TNFAIP8: variants seen among roughly 807,000 people sequenced by gnomAD.
TNFAIP8 encodes the protein tumor necrosis factor alpha-induced protein 8.
Under a neutral mutation model 13.3 loss-of-function variants are expected in TNFAIP8, and 7 were observed. The ratio of observed to expected loss-of-function variants is 0.52; its 90% CI spans 0.30 to 0.99. The LOEUF (loss-of-function observed/expected upper bound fraction) is 0.99. Ranked by LOEUF, TNFAIP8 falls within the 50% of genes least tolerant of loss-of-function variation. TNFAIP8 has a pLI of 0.07. For missense variants in TNFAIP8, 258 were observed against 236.9 expected (o/e 1.09, Z -0.58); for synonymous variants, 94 against 87.6 (o/e 1.07, Z -0.41).
At chr5:119,353,139 G>C (rs1196525211), upstream of TNFAIP8, among the ~76,000 whole-genome samples, 1 of 152,172 alleles carries the variant, frequency 6.6e-6, no homozygotes, top group Non-Finnish European at 1.5e-5. Flanking sequence ...TTGTTGGTAT[G>C]ACTTCCATAC....
intron 1 of TNFAIP8, among the ~76,000 whole-genome samples, chr5:119,359,086 G>A (rs776536125): frequency 8.5e-5 from 13 of 152,066 alleles, no homozygotes; most frequent in Admixed American, 4.6e-4. Context: ...ACTCATCTCC[G>A]TCCACATCTA....
rs114417114 is a variant in TNFAIP8, at chr5:119,280,670, C to T, written c.1+11763C>T. 6.7e-3 allele frequency among the ~76,000 whole-genome samples: 1,023 copies of T among 152,178 alleles called. 7 individuals carry two copies. The highest frequency in any genetic ancestry group is 9.6e-3 in the Non-Finnish European group (656 of 68,008). Reference sequence around the variant, plus strand: ...TAGCAGCTGTTGATCCTCAGTGTCTCGATCTGTTAATTCAGTGGGGGCAAT... The same window carrying T: ...TAGCAGCTGTTGATCCTCAGTGTCTTGATCTGTTAATTCAGTGGGGGCAAT... On this transcript the variant is annotated intron_variant, in intron 1 of 1. Coordinates refer to the TNFAIP8 transcript ENST00000274456.
chr5:119,391,155 C>T (rs982169314), intron 1 of TNFAIP8, among the ~76,000 whole-genome samples: 1 of 152,022 alleles, frequency 6.6e-6, no homozygotes, highest in African/African-American at 2.4e-5. Context: ...TTAAATCCAA[C>T]ATGGCAGTTC....
chr5:119,347,947 G>C (rs149270618), intron 1 of TNFAIP8, among the ~76,000 whole-genome samples: 7 of 152,334 alleles, frequency 4.6e-5, no homozygotes, highest in Admixed American at 1.3e-4. Flanking sequence ...CTTTCAAATA[G>C]ATCTCAGACC....
At chr5:119,387,376 T>C (rs1386526290) in intron 1 of TNFAIP8, among the ~76,000 whole-genome samples, 1 of 152,230 alleles carries the variant, frequency 6.6e-6, no homozygotes, top group Non-Finnish European at 1.5e-5. Flanking sequence ...CTTCCTAATA[T>C]TGGAAACCTG....
upstream of TNFAIP8, among the ~76,000 whole-genome samples, chr5:119,352,040 G>A (rs111821462): frequency 8.1e-3 from 1,231 of 151,926 alleles, 12 homozygotes; most frequent in African/African-American, 0.028. Context: ...CACCTGCCTC[G>A]GCCTCCCAAA....
intron 1 of TNFAIP8, chr5:119,333,395 T>C: frequency 7.4e-7 from 1 of 1,343,532 alleles, no homozygotes; most frequent in Non-Finnish European, 9.5e-7. Flanking sequence ...GTGACTGTAG[T>C]TGACCAGTGC....
upstream of TNFAIP8, chr5:119,355,325 G>C (rs1393819066): frequency 1.4e-5 from 10 of 702,072 alleles, no homozygotes; most frequent in Non-Finnish European, 2.3e-5. Context: ...GCTGTGCTTG[G>C]AGTACCAGTG....
At position 119,398,162 on chromosome 5, in the gene TNFAIP8, C is replaced by T. The variant is rs754683455; in HGVS notation, c.*4781C>T. The T allele has an allele frequency of 3.3e-5, 5 of 152,208 alleles. No homozygotes were observed. The highest frequency in any genetic ancestry group is 4.8e-5 in the African/African-American group (2 of 41,448). The allele number at this position is 152,208 out of a possible 1,614,324, so 9.4% of individuals were successfully genotyped here. A position where few individuals can be genotyped will look rare whatever the true frequency, so the allele number is the denominator to read the frequency against. ...CCAGTGGATAAGGCCCCTTATCTTT[C>T]TTCATGGATGGCTGAGGAAATTCTC... On this transcript the variant is annotated 3_prime_UTR_variant, in exon 2 of 2. Transcript: ENST00000504771.
At chr5:119,358,504 G>A (rs78931116) in intron 1 of TNFAIP8, among the ~76,000 whole-genome samples, 4,503 of 152,180 alleles carry the variant, frequency 0.03, 86 homozygotes, top group Non-Finnish European at 0.048. Context: ...ATTAAACAGA[G>A]AAAAATAATC....
At chr5:119,268,837 A>G in exon 1 of TNFAIP8, 1 of 702,600 alleles carries the variant, frequency 1.4e-6, no homozygotes. Context: ...CCGAGAGAGC[A>G]GAGAACTCGG....
At chr5:119,383,294 C>T (rs1471482122) in intron 1 of TNFAIP8, among the ~76,000 whole-genome samples, 1 of 152,208 alleles carries the variant, frequency 6.6e-6, no homozygotes, top group East Asian at 1.9e-4. Flanking sequence ...CATTCTGGGT[C>T]AGTCACAGAT....
chr5:119,354,239 G>C (rs1406914243), upstream of TNFAIP8: 2 of 152,252 alleles, frequency 1.3e-5, no homozygotes, highest in African/African-American at 4.8e-5. Flanking sequence ...ACTTTCGGAA[G>C]GGTGCAGTCT....
At chr5:119,298,789 A>G (rs530455678) in intron 1 of TNFAIP8, among the ~76,000 whole-genome samples, 2,669 of 150,928 alleles carry the variant, frequency 0.018, 90 homozygotes, top group African/African-American at 0.063. Flanking sequence ...CATATTTCTT[A>G]GAGGCTTTGT....
intron 1 of TNFAIP8, among the ~76,000 whole-genome samples, chr5:119,325,276 G>A (rs190341763): frequency 1.3e-5 from 2 of 152,238 alleles, no homozygotes; most frequent in Admixed American, 6.5e-5. Flanking sequence ...CAAAGGGCCT[G>A]TGGAGTTTTA....
rs1753107881 is a variant in TNFAIP8 at position 119,397,730 on chromosome 5, C to A, written c.*4349C>A. 6.6e-6 allele frequency: 1 copy of A among 152,134 alleles called. No homozygotes were observed. The highest frequency in any genetic ancestry group is 1.5e-5 in the Non-Finnish European group (1 of 68,018). The allele number at this position is 152,134 out of a possible 1,614,324, so 9.4% of individuals were successfully genotyped here. A position where few individuals can be genotyped will look rare whatever the true frequency, so the allele number is the denominator to read the frequency against. ...TTCCAAAATGATGCAACAGGAAAACCTTTAACTACTTATAATCCCGTATAG... is the reference window on the plus strand; with the variant it reads ...TTCCAAAATGATGCAACAGGAAAACATTTAACTACTTATAATCCCGTATAG... On this transcript the variant is annotated 3_prime_UTR_variant, in exon 2 of 2. Coordinates refer to ENST00000504771, the MANE Select transcript of TNFAIP8 (RefSeq NM_014350.4).
chr5:119,292,218 C>G (rs1749009254), intron 1 of TNFAIP8, among the ~76,000 whole-genome samples: 1 of 152,006 alleles, frequency 6.6e-6, no homozygotes, highest in African/African-American at 2.4e-5. Flanking sequence ...TATTGCAGCT[C>G]TGGCCCAAGG....
chr5:119,373,964 G>GT (rs889332677), intron 1 of TNFAIP8, among the ~76,000 whole-genome samples: 2 of 151,426 alleles, frequency 1.3e-5, no homozygotes, highest in East Asian at 1.9e-4. Flanking sequence ...TAGTATTGGT[G>GT]TTTTTTTTCC....
rs1301218129 is a variant in TNFAIP8, at chr5:119,340,415, G to A, written c.2-52401G>A. 2.0e-5 allele frequency among the ~76,000 whole-genome samples: 3 copies of A among 152,210 alleles called. No homozygotes were observed. In the East Asian group the frequency reaches 5.8e-4, roughly 29 times the overall value. On this transcript the variant is annotated intron_variant, in intron 1 of 1. Transcript: ENST00000274456. ...ACCACTGTGCCCAAAGGCATGCCCT[G>A]CTCCCGGGAGGCTGGTTGCAGAAAG... is the stretch of plus-strand genomic sequence containing the variant.
Sources: allele counts gnomAD v4.1 joint callset (sites outside exome capture counted in the v4.1 genomes callset), GRCh38; gene constraint gnomAD v4.1.1; transcripts MANE v1.5; gene names NCBI Gene and HGNC (gene_info 2026-07-23, HGNC 2026-07-21).